Variants in AP2B1 observed in about 807,000 individuals in gnomAD.
The protein encoded by AP2B1 is AP-2 complex subunit beta.
A neutral mutation model predicts 102.0 loss-of-function variants in AP2B1; 23 were observed. That is an observed-to-expected ratio of 0.23 (90% CI 0.16 to 0.32). AP2B1 has a LOEUF of 0.32. Among genes scored for constraint, AP2B1 ranks in the 10% least tolerant of loss-of-function variants. AP2B1 has a pLI of 1.00. For synonymous variants in AP2B1, 381 were observed against 421.2 expected (o/e 0.90, Z 1.17); for missense variants, 541 against 1,157.4 (o/e 0.47, Z 7.73).
intron 17 of AP2B1, among the ~76,000 whole-genome samples, chr17:35,680,194 C>T (rs1426953289): frequency 6.6e-6 from 1 of 152,130 alleles, no homozygotes; most frequent in Non-Finnish European, 1.5e-5. Flanking sequence ...AGGCGTGAGC[C>T]ACCGCACCAG....
At chr17:35,685,864 G>C (rs1443439018) in intron 18 of AP2B1, among the ~76,000 whole-genome samples, 1 of 152,052 alleles carries the variant, frequency 6.6e-6, no homozygotes, top group Non-Finnish European at 1.5e-5. Flanking sequence ...CCAGGTTCAA[G>C]CGATTCTCCA....
intron 18 of AP2B1, among the ~76,000 whole-genome samples, chr17:35,689,420 T>C (rs769099616): frequency 2.6e-5 from 4 of 152,190 alleles, no homozygotes; most frequent in Non-Finnish European, 4.4e-5. Flanking sequence ...CCTTGGGTGA[T>C]CCGCCCTTGT....
At chr17:35,649,944 C>T (rs986144549) in intron 12 of AP2B1, among the ~76,000 whole-genome samples, 1 of 151,580 alleles carries the variant, frequency 6.6e-6, no homozygotes, top group African/African-American at 2.4e-5. Context: ...AATTTTTGTA[C>T]TTTTATTATT....
chr17:35,650,955 A>G (rs758126348), intron 13 of AP2B1, 166 bp downstream of exon 13: 116 of 703,036 alleles, frequency 1.6e-4, no homozygotes, highest in Admixed American at 2.4e-4. Flanking sequence ...ACCTACTACT[A>G]TACAACCCCA....
At chr17:35,694,435 A>ATTTTTTTTTTTTTTTTTTT (rs2076101194) in intron 18 of AP2B1, among the ~76,000 whole-genome samples, 1 of 80,006 alleles carries the variant, frequency 1.2e-5, no homozygotes, top group Non-Finnish European at 2.7e-5. Flanking sequence ...TAATTTTTTA[A>ATTTTTTTTTTTTTTTTTTT]TTTTTTGTAG....
chr17:35,703,840 A>AATTTTTTAAAAAAGAGTT (rs2076288451), intron 18 of AP2B1, among the ~76,000 whole-genome samples: 1 of 152,234 alleles, frequency 6.6e-6, no homozygotes, highest in Non-Finnish European at 1.5e-5. Context: ...ATAAAAGTTC[A>AATTTTTTAAAAAAGAGTT]GTTTTAGACA....
At chr17:35,700,756 G>C (rs1006520438) in intron 18 of AP2B1, among the ~76,000 whole-genome samples, 3 of 152,326 alleles carry the variant, frequency 2.0e-5, no homozygotes, top group African/African-American at 7.2e-5. Flanking sequence ...CTATACTATG[G>C]AAAGAAACTA....
At chr17:35,713,622 G>T (rs985702880) in intron 20 of AP2B1, among the ~76,000 whole-genome samples, 3 of 152,198 alleles carry the variant, frequency 2.0e-5, no homozygotes, top group African/African-American at 7.2e-5. Context: ...TTCTGTGCTA[G>T]CATAGACATT....
At position 35,620,089 on chromosome 17, in the gene AP2B1, GATTT is replaced by G. The variant is rs1330256150; in HGVS notation, c.526-4303_526-4300del. On this transcript the variant is annotated intron_variant, in intron 5 of 21. Transcript: ENST00000610402. ...GCGTGAACCACCGTGCTCGGCCAAG[GATTT>G]ATTTTTTTAATGCTGCAAATGTGTC... is the stretch of plus-strand genomic sequence containing the variant. Among the ~76,000 whole-genome samples, 3 of 152,110 alleles carry G rather than the reference GATTT, an allele frequency of 2.0e-5. No individual in the cohort carries two copies. In the East Asian group the frequency reaches 5.8e-4, roughly 29 times the overall value.
In AP2B1 at chr17:35,627,634, C is replaced by T; in HGVS notation, c.1063C>T (p.Leu355=). The change falls in exon 9 of 22, where the codon CTG becomes TTG. Residue 355 remains leucine (L), a synonymous_variant. Transcript: ENST00000610402. ...LASQANIAQV[L]AELKEYATEV... is the part of the protein sequence containing the mutation. The stretch of plus-strand genomic sequence containing the variant: ...AACCACTTCCTGGGTTTAACAGGTT[C>T]TGGCAGAACTGAAAGAATATGCTAC... The T allele has an allele frequency of 6.2e-7, 1 of 1,613,904 alleles. No individual in the cohort carries two copies. Among genetic ancestry groups the T allele is most frequent in the Non-Finnish European group, 8.5e-7 (1 of 1,179,932 alleles).
chr17:35,716,823 C>T (rs1458247550), intron 20 of AP2B1, among the ~76,000 whole-genome samples: 2 of 152,226 alleles, frequency 1.3e-5, no homozygotes, highest in African/African-American at 2.4e-5. Flanking sequence ...ACATGACAGT[C>T]ACTATGGCAT....
intron 14 of AP2B1, among the ~76,000 whole-genome samples, chr17:35,666,866 T>C (rs1283310076): frequency 6.6e-6 from 1 of 152,184 alleles, no homozygotes; most frequent in East Asian, 1.9e-4. Flanking sequence ...CTGGGTGCAA[T>C]GATTCATACC....
chr17:35,714,020 A>G (rs2076502653), intron 20 of AP2B1, among the ~76,000 whole-genome samples: 1 of 152,232 alleles, frequency 6.6e-6, no homozygotes, highest in South Asian at 2.1e-4. Context: ...TTGCATCTCC[A>G]GCCATATCTG....
At chr17:35,656,297 A>C (rs954293910) in intron 13 of AP2B1, among the ~76,000 whole-genome samples, 4 of 117,538 alleles carry the variant, frequency 3.4e-5, no homozygotes, top group Non-Finnish European at 5.7e-5. Flanking sequence ...TTTCCCCCAC[A>C]TAGCTATCCA....
intron 14 of AP2B1, among the ~76,000 whole-genome samples, chr17:35,658,463 T>C (rs919467909): frequency 1.2e-4 from 18 of 152,076 alleles, no homozygotes; most frequent in African/African-American, 4.3e-4. Flanking sequence ...TTGCCACCAA[T>C]GGGAACCAAA....
In AP2B1 at chr17:35,723,817, A is replaced by C. The variant is rs1325140937; in HGVS notation, c.*118A>C. ...ACACACTGAGGCCACCTAGCAAGGT[A>C]GTAACTAGTCTAACCTGTGCTAACA... On this transcript the variant is annotated 3_prime_UTR_variant, in exon 22 of 22. Transcript: ENST00000610402. 1.9e-5 allele frequency: 14 copies of C among 732,316 alleles called. No homozygotes were observed. Among genetic ancestry groups the C allele is most frequent in the Non-Finnish European group, 2.4e-5 (10 of 411,138 alleles). The allele number at this position is 732,316 out of a possible 1,614,324, so 45.4% of individuals were successfully genotyped here.
intron 18 of AP2B1, among the ~76,000 whole-genome samples, chr17:35,707,192 T>C (rs1305028892): frequency 6.6e-6 from 1 of 152,034 alleles, no homozygotes; most frequent in African/African-American, 2.4e-5. Context: ...TCTTGCTCTG[T>C]CACCAGGCTG....
At chr17:35,679,421 T>G (rs2075770691) in intron 17 of AP2B1, among the ~76,000 whole-genome samples, 1 of 151,590 alleles carries the variant, frequency 6.6e-6, no homozygotes, top group Non-Finnish European at 1.5e-5. Flanking sequence ...CTTATTCATA[T>G]GCTGCTCCTG....
rs189440895 is a variant in AP2B1, at chr17:35,707,763, A to G, written c.2455-1461A>G. Reference sequence around the variant, plus strand: ...CCACTGCACCCACCCATGCTCTAGTACATCCTAAAGAATGCCTTTAGTTCC... The same window carrying G: ...CCACTGCACCCACCCATGCTCTAGTGCATCCTAAAGAATGCCTTTAGTTCC... On this transcript the variant is annotated intron_variant, in intron 18 of 21. Transcript: ENST00000610402. 7.9e-5 allele frequency among the ~76,000 whole-genome samples: 12 copies of G among 152,292 alleles called. No individual in the cohort carries two copies. The East Asian group carries it at 1.3e-3, about 17-fold the overall frequency.
Sources: allele counts gnomAD v4.1 joint callset (sites outside exome capture counted in the v4.1 genomes callset), GRCh38; gene constraint gnomAD v4.1.1; transcripts MANE v1.5; gene names NCBI Gene and HGNC (gene_info 2026-07-23, HGNC 2026-07-21).